ESRP1: variants seen among roughly 807,000 people sequenced by gnomAD.
ESRP1 encodes the protein RNA-binding motif protein 35A.
Under a neutral mutation model 81.7 loss-of-function variants are expected in ESRP1, and 33 were observed. The ratio of observed to expected loss-of-function variants is 0.40; its 90% CI spans 0.31 to 0.54. The LOEUF is 0.54. Among genes scored for constraint, ESRP1 ranks in the 20% least tolerant of loss-of-function variants. The pLI, the probability that ESRP1 is intolerant of heterozygous loss-of-function variation, is 0.41. For missense variants in ESRP1, 672 were observed against 833.1 expected, an observed-to-expected ratio of 0.81 and a Z score of 2.38; for synonymous variants, 320 against 303.3, an observed-to-expected ratio of 1.06 and a Z score of -0.57.
At chr8:94,704,752 C>A in intron 15 of ESRP1, among the ~76,000 whole-genome samples, 1 of 117,122 alleles carries the variant, frequency 8.5e-6, no homozygotes, top group Admixed American at 1.1e-4. Context: ...CAATGCAAGG[C>A]ACCATCTCTT....
At chr8:94,659,985 G>T (rs962051858) in intron 4 of ESRP1, among the ~76,000 whole-genome samples, 2 of 152,204 alleles carry the variant, frequency 1.3e-5, no homozygotes, top group African/African-American at 2.4e-5. Context: ...AGCTAGCAGA[G>T]ATTGGTTTAT....
At chr8:94,647,813 G>A (rs1472120893) in intron 4 of ESRP1, among the ~76,000 whole-genome samples, 1 of 152,072 alleles carries the variant, frequency 6.6e-6, no homozygotes, top group East Asian at 1.9e-4. Context: ...GAAGGCAGTG[G>A]AGGAAAAATC....
Position 94,706,672 on chromosome 8 carries a change from A to G in ESRP1, c.*783A>G, listed in dbSNP as rs1433343149. 1 of 152,632 alleles carries G rather than the reference A, an allele frequency of 6.6e-6. No individual in the cohort carries two copies. Among genetic ancestry groups the G allele is most frequent in the Non-Finnish European group, 1.5e-5 (1 of 68,032 alleles). 9.5% of individuals were successfully genotyped at this position (152,632 alleles called of 1,614,324 possible). A position where few individuals can be genotyped will look rare whatever the true frequency, so the allele number is the denominator to read the frequency against. On this transcript the variant is annotated 3_prime_UTR_variant, in exon 16 of 16. Coordinates refer to ENST00000433389, the MANE Select transcript of ESRP1 (RefSeq NM_017697.4). ...TTTCTAGTTTGAACTGTAATTGAATATTGTGGCTTCATATGTATTATTTTA... is the reference window on the plus strand; with the variant it reads ...TTTCTAGTTTGAACTGTAATTGAATGTTGTGGCTTCATATGTATTATTTTA...
rs777955065 is a variant in ESRP1 at position 94,674,400 on chromosome 8, C to T, written c.1545C>T (p.Asp515=). 15 of 1,613,806 alleles carry T rather than the reference C, an allele frequency of 9.3e-6. No homozygotes were observed. In the East Asian group the frequency reaches 3.1e-4, roughly 34 times the overall value. ...AQKCHKKNMK[D]RYVEVFQCSA... ...AGTGTCATAAAAAAAACATGAAGGA[C>T]AGATATGTTGAAGTCTTTCAGTGTT... The change falls in exon 12 of 16, where the codon GAC becomes GAT. Residue 515 remains aspartate, a synonymous_variant. Coordinates refer to ENST00000433389, the MANE Select transcript of ESRP1 (RefSeq NM_017697.4).
intron 13 of ESRP1, among the ~76,000 whole-genome samples, chr8:94,682,918 ATATATATATATATATTTT>A: frequency 3.7e-5 from 1 of 27,014 alleles, no homozygotes; most frequent in South Asian, 1.2e-3. Flanking sequence ...ATATATATAT[ATATATATATATATATTTT>A]TTTTTTTTTT....
intron 4 of ESRP1, among the ~76,000 whole-genome samples, chr8:94,649,091 C>G (rs143885334): frequency 6.6e-6 from 1 of 152,258 alleles, no homozygotes; most frequent in East Asian, 1.9e-4. Flanking sequence ...CATGATGACG[C>G]ACATCTGTAA....
chr8:94,654,280 T>A (rs1430420516), intron 4 of ESRP1, among the ~76,000 whole-genome samples: 2 of 152,114 alleles, frequency 1.3e-5, no homozygotes, highest in African/African-American at 4.8e-5. Flanking sequence ...ATCGCACCAT[T>A]TTACCCTAGC....
At chr8:94,695,958 G>C (rs554016353) in intron 14 of ESRP1, among the ~76,000 whole-genome samples, 1 of 152,288 alleles carries the variant, frequency 6.6e-6, no homozygotes, top group African/African-American at 2.4e-5. Context: ...AGCTACTCAG[G>C]AGGCTGAGGC....
rs138759531 is a variant in ESRP1 at position 94,706,227 on chromosome 8, T to G, written c.*338T>G. ...TTAAAGTGGCATCATAGGTGTTTCC[T>G]AAGTTTTAAGTCTTGGATAAAAACT... On this transcript the variant is annotated 3_prime_UTR_variant, in exon 16 of 16. Transcript: ENST00000433389. 1.8e-4 allele frequency: 66 copies of G among 363,954 alleles called. No homozygotes were observed. The East Asian group carries it at 3.1e-3, about 17-fold the overall frequency. The allele number at this position is 363,954 out of a possible 1,614,324, so 22.5% of individuals were successfully genotyped here.
At chr8:94,701,500 T>C (rs1409519655) in intron 15 of ESRP1, among the ~76,000 whole-genome samples, 1 of 152,134 alleles carries the variant, frequency 6.6e-6, no homozygotes, top group South Asian at 2.1e-4. Context: ...GGGAAGGAGA[T>C]TGGGTGTCGG....
At chr8:94,705,587 G>A (rs1810036999) in intron 15 of ESRP1, 2 of 198,790 alleles carry the variant, frequency 1.0e-5, no homozygotes, top group Non-Finnish European at 2.0e-5. Context: ...AACCTCTAAG[G>A]AATGAATGAA....
At chr8:94,688,882 A>G (rs1809255144) in intron 13 of ESRP1, among the ~76,000 whole-genome samples, 1 of 152,130 alleles carries the variant, frequency 6.6e-6, no homozygotes, top group African/African-American at 2.4e-5. Flanking sequence ...CAATTTCTGT[A>G]CAAAAGACAG....
intron 4 of ESRP1, among the ~76,000 whole-genome samples, chr8:94,657,401 CCT>C (rs1818476752): frequency 6.6e-6 from 1 of 151,710 alleles, no homozygotes; most frequent in African/African-American, 2.4e-5. Flanking sequence ...TTTTCTCATT[CCT>C]CTCTGTTACT....
Position 94,674,295 on chromosome 8 carries a change from C to T in ESRP1, c.1453-13C>T. ...AGTCTCCTTTTGTTTTTATTCTTCC[C>T]CCACACACTCAGGGCCGCCCATCAG... is the stretch of plus-strand genomic sequence containing the variant. On this transcript the variant is annotated splice_polypyrimidine_tract_variant and intron_variant, in intron 11 of 15. Transcript: ENST00000433389. The T allele has an allele frequency of 6.2e-7, 1 of 1,609,126 alleles. No homozygotes were observed. The highest frequency in any genetic ancestry group is 8.5e-7 in the Non-Finnish European group (1 of 1,178,808).
chr8:94,648,733 A>G (rs1252762042), intron 4 of ESRP1, among the ~76,000 whole-genome samples: 1 of 152,250 alleles, frequency 6.6e-6, no homozygotes, highest in African/African-American at 2.4e-5. Context: ...CACCTGGAGA[A>G]GAGCAGATAA....
At chr8:94,643,263 G>A (rs766872252) in intron 2 of ESRP1, 40 bp from the exon 3 acceptor site, 2 of 1,346,976 alleles carry the variant, frequency 1.5e-6, no homozygotes, top group South Asian at 1.2e-5. Context: ...TTTGTAAATC[G>A]TGCATCAGTT....
At chr8:94,676,619 C>A (rs1027551108) in intron 12 of ESRP1, among the ~76,000 whole-genome samples, 14 of 151,822 alleles carry the variant, frequency 9.2e-5, no homozygotes, top group Non-Finnish European at 1.6e-4. Flanking sequence ...CCTGCCTCAA[C>A]CTCCTGAGTA....
intron 4 of ESRP1, among the ~76,000 whole-genome samples, chr8:94,660,443 A>G (rs1818662753): frequency 6.6e-6 from 1 of 151,938 alleles, no homozygotes; most frequent in Non-Finnish European, 1.5e-5. Context: ...CTCTACTAAA[A>G]AATACAAAAA....
chr8:94,646,400 A>G, intron 4 of ESRP1, 118 bp downstream of exon 4: 1 of 613,236 alleles, frequency 1.6e-6, no homozygotes, highest in Non-Finnish European at 2.8e-6. Context: ...GGCCTATCCA[A>G]AATTTGTTTA....
Sources: allele counts gnomAD v4.1 joint callset (sites outside exome capture counted in the v4.1 genomes callset), GRCh38; gene constraint gnomAD v4.1.1; transcripts MANE v1.5; gene names NCBI Gene and HGNC (gene_info 2026-07-23, HGNC 2026-07-21).